DOCK1: variants seen among roughly 807,000 people sequenced by gnomAD.
The protein encoded by DOCK1 is dedicator of cytokinesis 1, also known as dedicator of cytokinesis protein 1.
A neutral mutation model predicts 262.7 loss-of-function variants in DOCK1; 138 were observed. The ratio of observed to expected loss-of-function variants is 0.53; its 90% CI spans 0.46 to 0.61. The LOEUF (loss-of-function observed/expected upper bound fraction) is 0.61. Among genes scored for constraint, DOCK1 ranks in the 20% least tolerant of loss-of-function variants. DOCK1 has a pLI of 0.00. For synonymous variants in DOCK1, 866 were observed against 867.4 expected (o/e 1.00, Z 0.03); for missense variants, 1,908 against 2,370.7 (o/e 0.80, Z 4.05).
intron 29 of DOCK1, among the ~76,000 whole-genome samples, chr10:127,283,996 TA>T (rs1194660690): frequency 6.6e-6 from 1 of 152,200 alleles, no homozygotes; most frequent in Admixed American, 6.5e-5. Flanking sequence ...TATTGTCTTT[TA>T]AAAAAATTGT....
At chr10:127,308,757 A>G (rs1324533175) in intron 29 of DOCK1, among the ~76,000 whole-genome samples, 1 of 152,204 alleles carries the variant, frequency 6.6e-6, no homozygotes, top group Non-Finnish European at 1.5e-5. Flanking sequence ...CCTGCAAAGG[A>G]CATGAACTCA....
chr10:127,165,898 CTGCT>C (rs1203190975), intron 27 of DOCK1, among the ~76,000 whole-genome samples: 2 of 152,288 alleles, frequency 1.3e-5, no homozygotes, highest in Admixed American at 1.3e-4. Flanking sequence ...GAGGGGATCT[CTGCT>C]GTCTCTAGCA....
At chr10:127,167,126 G>T (rs2054152612) in intron 27 of DOCK1, among the ~76,000 whole-genome samples, 1 of 152,084 alleles carries the variant, frequency 6.6e-6, no homozygotes. Context: ...CTTAAAAGTA[G>T]TGTTTACAAA....
At chr10:127,415,382 G>A in intron 44 of DOCK1, 144 bp downstream of exon 44, 2 of 689,804 alleles carry the variant, frequency 2.9e-6, no homozygotes, top group Middle Eastern at 5.0e-4. Flanking sequence ...CACCCCACCT[G>A]TTCTTGAGAG....
At chr10:127,184,615 A>G (rs1236181237) in intron 27 of DOCK1, among the ~76,000 whole-genome samples, 1 of 151,962 alleles carries the variant, frequency 6.6e-6, no homozygotes, top group African/African-American at 2.4e-5. Context: ...GATCATCTAT[A>G]CTTTTTCCTA....
chr10:127,047,968 G>A (rs1188383926), intron 21 of DOCK1, among the ~76,000 whole-genome samples: 2 of 152,202 alleles, frequency 1.3e-5, no homozygotes, highest in African/African-American at 4.8e-5. Context: ...ATAAGGCTGC[G>A]ATGAATATTC....
intron 25 of DOCK1, among the ~76,000 whole-genome samples, chr10:127,121,049 A>G (rs1316766366): frequency 6.6e-6 from 1 of 152,190 alleles, no homozygotes; most frequent in Non-Finnish European, 1.5e-5. Flanking sequence ...CTCTAGATAC[A>G]AAGCAAAGAG....
intron 44 of DOCK1, 34 bp from the exon 45 acceptor site, chr10:127,418,330 TG>T (rs2068282510): frequency 6.4e-7 from 1 of 1,561,202 alleles, no homozygotes; most frequent in African/African-American, 1.4e-5. Context: ...GAGGCAGCTG[TG>T]GGGCTGACAT....
intron 23 of DOCK1, among the ~76,000 whole-genome samples, chr10:127,073,497 T>G (rs2046346974): frequency 6.6e-6 from 1 of 152,230 alleles, no homozygotes; most frequent in Non-Finnish European, 1.5e-5. Flanking sequence ...GGAGTCCAAG[T>G]GTTAAGCATG....
At chr10:127,250,791 C>CAAAAAAAAAAAA (rs1180814401) in intron 28 of DOCK1, among the ~76,000 whole-genome samples, 4 of 64,038 alleles carry the variant, frequency 6.2e-5, no homozygotes, top group Non-Finnish European at 7.7e-5. Flanking sequence ...GACTCCGTCT[C>CAAAAAAAAAAAA]AAAAAAAAAA....
At chr10:127,213,910 G>A (rs1268898952) in intron 27 of DOCK1, among the ~76,000 whole-genome samples, 1 of 152,142 alleles carries the variant, frequency 6.6e-6, no homozygotes, top group East Asian at 1.9e-4. Context: ...CGCCATCTCA[G>A]CTCACTGCAA....
rs756453423 is a variant in DOCK1 at position 127,261,768 on chromosome 10, GGT to G, written c.3044+4352_3044+4353del. ...GTGCTCATCTGTGTGTGTGCATGTGGGTGTGTGTGTGTGTACCTGCATGTGTG... is the reference window on the plus strand; with the variant it reads ...GTGCTCATCTGTGTGTGTGCATGTGGGTGTGTGTGTGTACCTGCATGTGTG... On this transcript the variant is annotated intron_variant, in intron 29 of 51. Coordinates refer to ENST00000623213, the MANE Select transcript of DOCK1 (RefSeq NM_001290223.2). Among the ~76,000 whole-genome samples the G allele has an allele frequency of 2.4e-3, 218 of 90,080 alleles. 1 individual carries two copies. Among genetic ancestry groups the G allele is most frequent in the African/African-American group, 7.3e-3 (163 of 22,272 alleles). The allele number at this position is 90,080 out of a possible 152,430, so 59.1% of individuals were successfully genotyped here.
At chr10:127,160,560 A>G (rs1226370165) in intron 27 of DOCK1, among the ~76,000 whole-genome samples, 1 of 152,224 alleles carries the variant, frequency 6.6e-6, no homozygotes, top group African/African-American at 2.4e-5. Context: ...CAGAGCTTCT[A>G]GCATGTCAGG....
intron 38 of DOCK1, among the ~76,000 whole-genome samples, chr10:127,399,090 G>A (rs1023007120): frequency 2.0e-5 from 3 of 152,154 alleles, no homozygotes; most frequent in African/African-American, 7.2e-5. Context: ...CGTATCATCT[G>A]GGGGAAAGCA....
At chr10:127,171,037 G>A (rs1419956421) in intron 27 of DOCK1, among the ~76,000 whole-genome samples, 2 of 152,132 alleles carry the variant, frequency 1.3e-5, no homozygotes, top group Non-Finnish European at 2.9e-5. Flanking sequence ...TTTATTCAGC[G>A]CCAACTGTGT....
chr10:127,141,615 G>A (rs1253638192), intron 27 of DOCK1, among the ~76,000 whole-genome samples: 1 of 152,012 alleles, frequency 6.6e-6, no homozygotes, highest in African/African-American at 2.4e-5. Flanking sequence ...AGGTTGCAGT[G>A]AGTTGAGATC....
intron 27 of DOCK1, among the ~76,000 whole-genome samples, chr10:127,227,095 T>G (rs905034730): frequency 3.3e-5 from 5 of 152,182 alleles, no homozygotes; most frequent in African/African-American, 1.2e-4. Context: ...ATCCCAGGAA[T>G]CTCGTTGAAG....
intron 47 of DOCK1, among the ~76,000 whole-genome samples, chr10:127,429,580 TAGAA>T (rs2069138353): frequency 6.6e-6 from 1 of 152,158 alleles, no homozygotes; most frequent in Non-Finnish European, 1.5e-5. Flanking sequence ...GCTTAAGCCA[TAGAA>T]AGAGAAGATG....
intron 10 of DOCK1, among the ~76,000 whole-genome samples, chr10:127,002,635 G>T (rs1372444906): frequency 6.6e-6 from 1 of 152,146 alleles, no homozygotes; most frequent in African/African-American, 2.4e-5. Context: ...GTTATTCACT[G>T]GGGCAGGGCG....
Sources: gnomAD v4.1 joint callset for allele counts (sites outside exome capture counted in the v4.1 genomes callset) on GRCh38, gnomAD v4.1.1 for gene constraint, MANE v1.5 for transcripts, NCBI Gene and HGNC (gene_info 2026-07-23, HGNC 2026-07-21) for gene names.